Variants in PCDHAC1 observed in about 807,000 individuals in gnomAD.
PCDHAC1 encodes the protein protocadherin alpha subfamily C, 1.
A neutral mutation model predicts 60.0 loss-of-function variants in PCDHAC1; 42 were observed. The ratio of observed to expected loss-of-function variants is 0.70; its 90% confidence interval spans 0.55 to 0.90. The LOEUF is 0.90. Among genes scored for constraint, PCDHAC1 ranks in the 40% least tolerant of loss-of-function variants. The pLI is 0.00. For missense variants in PCDHAC1, 1,160 were observed against 1,222.3 expected (o/e 0.95, Z 0.76); for synonymous variants, 468 against 499.3 (o/e 0.94, Z 0.84).
chr5:140,955,073 C>T (rs2095133365), intron 1 of PCDHAC1, among the ~76,000 whole-genome samples: 1 of 152,146 alleles, frequency 6.6e-6, no homozygotes, highest in South Asian at 2.1e-4. Context: ...TGTTGAAGAT[C>T]AGATGGTTGT....
intron 1 of PCDHAC1, chr5:140,966,994 C>T: frequency 6.2e-7 from 1 of 1,604,620 alleles, no homozygotes; most frequent in Non-Finnish European, 8.5e-7. Context: ...GGCCGGGTTG[C>T]TTGCGCATCA....
intron 1 of PCDHAC1, among the ~76,000 whole-genome samples, chr5:140,974,825 A>G (rs2096642596): frequency 6.6e-6 from 1 of 152,198 alleles, no homozygotes; most frequent in Admixed American, 6.5e-5. Flanking sequence ...ATGCAACATA[A>G]TGATTATTTT....
chr5:140,993,134 A>G (rs2097542279), intron 3 of PCDHAC1, among the ~76,000 whole-genome samples: 1 of 152,238 alleles, frequency 6.6e-6, no homozygotes, highest in African/African-American at 2.4e-5. Flanking sequence ...CTTCTGTTGC[A>G]ACAAGTATAA....
At chr5:140,936,240 CAT>C (rs1282249217) in intron 1 of PCDHAC1, among the ~76,000 whole-genome samples, 3 of 152,152 alleles carry the variant, frequency 2.0e-5, no homozygotes, top group Non-Finnish European at 4.4e-5. Flanking sequence ...TTAAAGAAAA[CAT>C]ATCCTGCTTC....
chr5:140,970,018 C>G (rs1383957568), intron 1 of PCDHAC1, among the ~76,000 whole-genome samples: 9 of 151,942 alleles, frequency 5.9e-5, no homozygotes, highest in African/African-American at 2.2e-4. Context: ...GATGGTGAGG[C>G]AGAGAGATTA....
In PCDHAC1 at chr5:140,927,530, GC is replaced by G; in HGVS notation, c.639del (p.Ser214GlnfsTer59). On this transcript the variant is annotated frameshift_variant, in exon 1 of 4. Coordinates refer to ENST00000253807, the MANE Select transcript of PCDHAC1 (RefSeq NM_018898.5). LOFTEE classifies it high-confidence loss of function. The part of the protein sequence containing the change: ...LTARDGGLPA[R>X]SGDAQVTIIV... ...GCTCGGGACGGCGGGCTACCTGCCCGCTCAGGAGACGCACAAGTCACCATCA... is the reference window on the plus strand; with the variant it reads ...GCTCGGGACGGCGGGCTACCTGCCCGTCAGGAGACGCACAAGTCACCATCA... 1 of 1,614,080 alleles carries G rather than the reference GC, an allele frequency of 6.2e-7. No individual in the cohort carries two copies. The highest frequency in any genetic ancestry group is 8.5e-7 in the Non-Finnish European group (1 of 1,180,038).
intron 3 of PCDHAC1, among the ~76,000 whole-genome samples, chr5:141,006,057 A>G (rs2098253248): frequency 6.6e-6 from 1 of 152,022 alleles, no homozygotes. Context: ...AGAGTGGAGA[A>G]GAAATAAAAA....
At chr5:140,977,513 A>G (rs1378316611) in intron 1 of PCDHAC1, among the ~76,000 whole-genome samples, 2 of 152,236 alleles carry the variant, frequency 1.3e-5, no homozygotes, top group African/African-American at 4.8e-5. Context: ...GCATTTTGTG[A>G]ACTTGAAAAC....
intron 1 of PCDHAC1, among the ~76,000 whole-genome samples, chr5:140,958,752 T>A (rs1423879082): frequency 6.6e-6 from 1 of 152,166 alleles, no homozygotes; most frequent in Non-Finnish European, 1.5e-5. Context: ...AAAGGAGATT[T>A]TTACCCATTT....
At chr5:140,937,323 C>T (rs1350536354) in intron 1 of PCDHAC1, among the ~76,000 whole-genome samples, 3 of 152,120 alleles carry the variant, frequency 2.0e-5, no homozygotes, top group African/African-American at 7.2e-5. Flanking sequence ...AGGCGTGAGC[C>T]ACCGCGCCCG....
At chr5:140,946,295 C>T (rs543000779) in intron 1 of PCDHAC1, among the ~76,000 whole-genome samples, 2 of 151,940 alleles carry the variant, frequency 1.3e-5, no homozygotes, top group South Asian at 4.1e-4. Context: ...TCACCTCACA[C>T]CTGGTAGAAT....
chr5:140,990,195 A>C (rs1030331876), intron 3 of PCDHAC1, among the ~76,000 whole-genome samples: 1 of 152,012 alleles, frequency 6.6e-6, no homozygotes, highest in Non-Finnish European at 1.5e-5. Flanking sequence ...CCAAATGTGG[A>C]CCCGAAAGAG....
At position 140,926,719 on chromosome 5, in the gene PCDHAC1, A is replaced by G. The variant is rs1315762828; in HGVS notation, c.-174A>G. ...GGCTCCCAGCTGGCCAGCCCCGGCA[A>G]TGCCGGCGTTCGGGAGGCGCAACGT... On this transcript the variant is annotated 5_prime_UTR_variant, in exon 1 of 4. The change abolishes an upstream ATG in the 5' untranslated region. Coordinates refer to ENST00000253807, the MANE Select transcript of PCDHAC1 (RefSeq NM_018898.5). 38 of 986,432 alleles carry G rather than the reference A, an allele frequency of 3.9e-5. No homozygotes were observed. Among genetic ancestry groups the G allele is most frequent in the Non-Finnish European group, 4.4e-5 (32 of 728,846 alleles). 61.1% of individuals were successfully genotyped at this position (986,432 alleles called of 1,614,324 possible).
intron 1 of PCDHAC1, among the ~76,000 whole-genome samples, chr5:140,971,942 C>A (rs2153791969): frequency 6.6e-6 from 1 of 152,140 alleles, no homozygotes; most frequent in Middle Eastern, 3.4e-3. Flanking sequence ...AAGTTGTATC[C>A]ATCTGACTCC....
chr5:140,967,273 A>G lies in PCDHAC1; in HGVS notation c.2434-11676A>G, dbSNP rs2096121712. The G allele has an allele frequency of 1.9e-6, 3 of 1,613,332 alleles. No individual in the cohort carries two copies. Among genetic ancestry groups the G allele is most frequent in the South Asian group, 2.2e-5 (2 of 91,074 alleles). On this transcript the variant is annotated intron_variant, in intron 1 of 3. Transcript: ENST00000253807. ...TGGCGCCTGGAGCGCGCTTTCACAT[A>G]GAGAGTGCGCAGGACCCCGACGTGG...
chr5:140,941,492 T>G (rs1446870882), intron 1 of PCDHAC1, among the ~76,000 whole-genome samples: 18 of 151,592 alleles, frequency 1.2e-4, no homozygotes, highest in Admixed American at 1.2e-3. Flanking sequence ...ATTTTTTGTA[T>G]TTTTAGTAGA....
rs561529051 is a variant in PCDHAC1, at chr5:140,929,034, C to T, written c.2142C>T (p.Cys714=). Residue 714 remains cysteine, a synonymous_variant, in exon 1 of 4, where the codon TGC becomes TGT. Transcript: ENST00000253807. ...CTKLHQSPGC[C]AQSCCRSTED... ...AGTTGCACCAGAGCCCAGGCTGTTG[C>T]GCTCAGAGCTGCTGTCGCTCTACAG... 4 of 1,614,158 alleles carry T rather than the reference C, an allele frequency of 2.5e-6. No individual in the cohort carries two copies. Among genetic ancestry groups the T allele is most frequent in the East Asian group, 4.5e-5 (2 of 44,886 alleles).
chr5:140,939,269 A>G (rs1167199684), intron 1 of PCDHAC1, among the ~76,000 whole-genome samples: 1 of 152,070 alleles, frequency 6.6e-6, no homozygotes, highest in Non-Finnish European at 1.5e-5. Flanking sequence ...CTTTTATGAG[A>G]GCTGTGCCCT....
intron 1 of PCDHAC1, among the ~76,000 whole-genome samples, chr5:140,964,532 G>A (rs995586958): frequency 2.0e-5 from 3 of 152,156 alleles, no homozygotes; most frequent in Non-Finnish European, 4.4e-5. Context: ...TCTGAGCTGC[G>A]TGCAGAGATG....
Sources: allele counts gnomAD v4.1 joint callset (sites outside exome capture counted in the v4.1 genomes callset), GRCh38; gene constraint gnomAD v4.1.1; transcripts MANE v1.5; gene names NCBI Gene and HGNC (gene_info 2026-07-23, HGNC 2026-07-21).